ROR1: variants seen among roughly 807,000 people sequenced by gnomAD.
The protein encoded by ROR1 is inactive tyrosine-protein kinase transmembrane receptor ROR1.
Under a neutral mutation model 78.8 loss-of-function variants are expected in ROR1, and 19 were observed. The ratio of observed to expected loss-of-function variants is 0.24; its 90% CI spans 0.17 to 0.35. The LOEUF is 0.35. Among genes scored for constraint, ROR1 ranks in the 10% least tolerant of loss-of-function variants. ROR1 has a pLI of 1.00. For synonymous variants in ROR1, 386 were observed against 433.6 expected, an observed-to-expected ratio of 0.89 and a Z score of 1.36; for missense variants, 917 against 1,177.8, an observed-to-expected ratio of 0.78 and a Z score of 3.24.
In ROR1 at chr1:64,177,697, T is replaced by C. The variant is rs767954102; in HGVS notation, c.1656T>C (p.Phe552=). Residue 552 remains phenylalanine (F), a synonymous_variant, in exon 9 of 9, where the codon TTT becomes TTC. Transcript: ENST00000371079. ...AGGAACAACCTGTGTGCATGCTTTT[T>C]GAGTATATTAATCAGGGGGATCTCC... ...VTQEQPVCML[F]EYINQGDLHE... 1 of 1,614,218 alleles carries C rather than the reference T, an allele frequency of 6.2e-7. No homozygotes were observed. Among genetic ancestry groups the C allele is most frequent in the South Asian group, 1.1e-5 (1 of 91,084 alleles).
At chr1:63,907,002 G>T (rs1024756368) in intron 1 of ROR1, among the ~76,000 whole-genome samples, 1 of 152,130 alleles carries the variant, frequency 6.6e-6, no homozygotes, top group Non-Finnish European at 1.5e-5. Context: ...CAAAATGATC[G>T]CCCCAGAAAT....
intron 1 of ROR1, among the ~76,000 whole-genome samples, chr1:63,894,756 G>A (rs554426120): frequency 1.2e-4 from 19 of 152,288 alleles, no homozygotes; most frequent in African/African-American, 4.1e-4. Context: ...GACGAAACTG[G>A]TAGTTACAAA....
intron 4 of ROR1, 22 bp downstream of exon 4, chr1:64,050,738 C>G (rs1411820364): frequency 1.9e-6 from 3 of 1,611,426 alleles, no homozygotes; most frequent in Admixed American, 3.3e-5. Flanking sequence ...TATCTCCTTT[C>G]TTGTCATTTC....
intron 4 of ROR1, chr1:64,095,267 T>G (rs1320958040): frequency 6.6e-6 from 1 of 152,122 alleles, no homozygotes; most frequent in Non-Finnish European, 1.5e-5. Context: ...TAAGTTCAAT[T>G]AAATAGAACA....
intron 1 of ROR1, among the ~76,000 whole-genome samples, chr1:63,991,854 T>A (rs1646298779): frequency 6.6e-6 from 1 of 152,220 alleles, no homozygotes; most frequent in East Asian, 1.9e-4. Flanking sequence ...AATGTGGTTG[T>A]CATGAAATGC....
intron 1 of ROR1, among the ~76,000 whole-genome samples, chr1:63,973,327 C>G (rs1238324080): frequency 1.3e-5 from 2 of 152,160 alleles, no homozygotes; most frequent in African/African-American, 4.8e-5. Flanking sequence ...CCCTGGGCTG[C>G]CCAGAGCATA....
chr1:63,934,752 ACAGACAGCT>A (rs1046683791), intron 1 of ROR1, among the ~76,000 whole-genome samples: 1 of 152,144 alleles, frequency 6.6e-6, no homozygotes, highest in African/African-American at 2.4e-5. Flanking sequence ...GTCTTGAGGG[ACAGACAGCT>A]TACGTCTAAT....
chr1:63,820,926 A>G (rs1222493752), intron 1 of ROR1, among the ~76,000 whole-genome samples: 2 of 152,186 alleles, frequency 1.3e-5, no homozygotes, highest in Non-Finnish European at 1.5e-5. Flanking sequence ...AATCTCTGAC[A>G]TGTAAGCCCT....
At chr1:63,837,676 C>T (rs1248549288) in intron 1 of ROR1, among the ~76,000 whole-genome samples, 5 of 152,172 alleles carry the variant, frequency 3.3e-5, no homozygotes, top group Non-Finnish European at 7.3e-5. Context: ...CAACAATTAG[C>T]TGGACACGGT....
chr1:63,962,665 G>A (rs891727977), intron 1 of ROR1, among the ~76,000 whole-genome samples: 1 of 152,208 alleles, frequency 6.6e-6, no homozygotes, highest in African/African-American at 2.4e-5. Context: ...TCAAATGTGA[G>A]CAGAGCCGGG....
chr1:64,049,668 C>T lies in ROR1; in HGVS notation c.164-23C>T, dbSNP rs1646812049. ...CTCTCAAGCTGTCTGCCCCTCTCAC[C>T]TGCCTCCTCTCTGTGCTCACAGATT... On this transcript the variant is annotated intron_variant, in intron 2 of 8. Transcript: ENST00000371079. 4.4e-6 allele frequency: 7 copies of T among 1,604,828 alleles called. No individual in the cohort carries two copies. In the South Asian group the frequency reaches 5.5e-5, roughly 13 times the overall value.
In ROR1 at chr1:63,838,269, A is replaced by G. The variant is rs1481437513; in HGVS notation, c.91+63761A>G. On this transcript the variant is annotated intron_variant, in intron 1 of 8. Coordinates refer to ENST00000371079, the MANE Select transcript of ROR1 (RefSeq NM_005012.4). ...GCTTTTGCTTCTAAAATAAAACATT[A>G]TCTGTAAAACAGCCTCCTGAAGGAC... Among the ~76,000 whole-genome samples, 63 of 152,164 alleles carry G rather than the reference A, an allele frequency of 4.1e-4. 1 individual carries two copies. Among genetic ancestry groups the G allele is most frequent in the East Asian group, 3.9e-4 (2 of 5,172 alleles).
chr1:64,088,062 A>C (rs1328360487), intron 4 of ROR1, among the ~76,000 whole-genome samples: 1 of 152,200 alleles, frequency 6.6e-6, no homozygotes, highest in South Asian at 2.1e-4. Flanking sequence ...GTTTTGAGAT[A>C]ACAAGGCTTA....
chr1:64,032,569 G>C (rs960347838), intron 2 of ROR1, among the ~76,000 whole-genome samples: 7 of 152,126 alleles, frequency 4.6e-5, no homozygotes, highest in Admixed American at 1.3e-4. Flanking sequence ...AGAGTACTTT[G>C]TGGCAGAGGT....
intron 2 of ROR1, 127 bp from the exon 3 acceptor site, chr1:64,049,564 T>A: frequency 5.0e-6 from 4 of 794,866 alleles, no homozygotes; most frequent in Non-Finnish European, 8.2e-6. Flanking sequence ...TCTTTCCTTG[T>A]CTGTCTCACC....
chr1:64,029,364 A>G (rs2100566989), intron 2 of ROR1, among the ~76,000 whole-genome samples: 1 of 152,042 alleles, frequency 6.6e-6, no homozygotes, highest in East Asian at 1.9e-4. Flanking sequence ...GACCATTTAC[A>G]TTTTCTTATT....
intron 1 of ROR1, among the ~76,000 whole-genome samples, chr1:63,821,521 C>T (rs1008236467): frequency 5.3e-5 from 8 of 152,238 alleles, no homozygotes; most frequent in East Asian, 1.9e-4. Context: ...TGAGAGCACC[C>T]GTGTGTACTT....
intron 4 of ROR1, among the ~76,000 whole-genome samples, chr1:64,109,520 A>G (rs1647986771): frequency 6.6e-6 from 1 of 152,014 alleles, no homozygotes; most frequent in Admixed American, 6.6e-5. Context: ...TAGCACTTTC[A>G]CACATAGAAT....
At chr1:63,999,791 T>C (rs938979007) in intron 1 of ROR1, among the ~76,000 whole-genome samples, 3 of 152,212 alleles carry the variant, frequency 2.0e-5, no homozygotes, top group Non-Finnish European at 4.4e-5. Context: ...TGTGGCAATA[T>C]AGTTTTCTAA....
Sources: allele counts gnomAD v4.1 joint callset (sites outside exome capture counted in the v4.1 genomes callset), GRCh38; gene constraint gnomAD v4.1.1; transcripts MANE v1.5; gene names NCBI Gene and HGNC (gene_info 2026-07-23, HGNC 2026-07-21).